The following SLC25A16 variants were observed in gnomAD, a reference collection of about 807,000 sequenced individuals.
SLC25A16 encodes the protein mitochondrial coenzyme A transporter SLC25A16.
A neutral mutation model predicts 41.5 loss-of-function variants in SLC25A16; 39 were observed. The observed-to-expected ratio is 0.94, with a 90% CI of 0.73 to 1.23. SLC25A16 has a LOEUF of 1.23. SLC25A16 is among the 50% of genes most tolerant of loss of function. The pLI, the probability that SLC25A16 is intolerant of heterozygous loss-of-function variation, is 0.00. For synonymous variants in SLC25A16, 146 were observed against 147.8 expected (o/e 0.99, Z 0.09); for missense variants, 421 against 426.9 (o/e 0.99, Z 0.12).
Position 68,527,379 on chromosome 10 carries a change from G to A in SLC25A16, c.-4C>T, listed in dbSNP as rs2053356135. 1.3e-6 allele frequency: 2 copies of A among 1,485,882 alleles called. No individual in the cohort carries two copies. Among genetic ancestry groups the A allele is most frequent in the Non-Finnish European group, 1.8e-6 (2 of 1,125,312 alleles). The allele number at this position is 1,485,882 out of a possible 1,614,324, so 92.0% of individuals were successfully genotyped here. A position where few individuals can be genotyped will look rare whatever the true frequency, so the allele number is the denominator to read the frequency against. ...CCGCGGCCGTCGCCGCCGCCATCAG[G>A]ACCAGGGTCGCGTCAGGAGCCTAGG... On this transcript the variant is annotated 5_prime_UTR_variant, in exon 1 of 9. Coordinates refer to ENST00000609923, the MANE Select transcript of SLC25A16 (RefSeq NM_152707.4).
intron 1 of SLC25A16, among the ~76,000 whole-genome samples, chr10:68,526,271 G>A (rs958585489): frequency 8.5e-5 from 13 of 152,050 alleles, no homozygotes; most frequent in African/African-American, 2.7e-4. Flanking sequence ...TGGGACCTGC[G>A]GGCAGCAATA....
chr10:68,519,258 G>C (rs1420867295), intron 1 of SLC25A16, among the ~76,000 whole-genome samples: 1 of 152,080 alleles, frequency 6.6e-6, no homozygotes, highest in African/African-American at 2.4e-5. Flanking sequence ...GGAGGCCGAG[G>C]TGGGTGGATC....
At chr10:68,525,750 C>T (rs961610614) in intron 1 of SLC25A16, among the ~76,000 whole-genome samples, 5 of 152,156 alleles carry the variant, frequency 3.3e-5, no homozygotes, top group Non-Finnish European at 5.9e-5. Context: ...CCATTTTGTT[C>T]TGTACTAAGA....
chr10:68,512,964 G>C (rs2133576313), intron 2 of SLC25A16, among the ~76,000 whole-genome samples: 1 of 152,184 alleles, frequency 6.6e-6, no homozygotes, highest in Admixed American at 6.6e-5. Flanking sequence ...GCTTGAACCT[G>C]GGAGGCGGAG....
At chr10:68,514,702 G>A (rs1050076994) in intron 2 of SLC25A16, among the ~76,000 whole-genome samples, 5 of 151,956 alleles carry the variant, frequency 3.3e-5, no homozygotes, top group African/African-American at 1.2e-4. Flanking sequence ...AAGTGTCCAT[G>A]TTAATCAAAT....
At position 68,479,858 on chromosome 10, in the gene SLC25A16, A is replaced by G. The variant is rs2052466077; in HGVS notation, c.*3574T>C. 1.3e-5 allele frequency: 2 copies of G among 152,086 alleles called. No homozygotes were observed. The highest frequency in any genetic ancestry group is 4.8e-5 in the African/African-American group (2 of 41,322). The allele number at this position is 152,086 out of a possible 1,614,324, so 9.4% of individuals were successfully genotyped here. A position where few individuals can be genotyped will look rare whatever the true frequency, so the allele number is the denominator to read the frequency against. On this transcript the variant is annotated 3_prime_UTR_variant, in exon 9 of 9. Coordinates refer to ENST00000609923, the MANE Select transcript of SLC25A16 (RefSeq NM_152707.4). ...AAAGAAAGAAAAGAAAGAAAAATAC[A>G]AAACTCAGCTGGGCATGGTAGCACA...
rs1254468730 is a variant in SLC25A16 at position 68,482,824 on chromosome 10, C to A, written c.*608G>T. The A allele has an allele frequency of 1.3e-5, 2 of 152,116 alleles. No homozygotes were observed. Among genetic ancestry groups the A allele is most frequent in the African/African-American group, 4.8e-5 (2 of 41,426 alleles). The allele number at this position is 152,116 out of a possible 1,614,324, so 9.4% of individuals were successfully genotyped here. A position where few individuals can be genotyped will look rare whatever the true frequency, so the allele number is the denominator to read the frequency against. ...AGTAGCTGGGACCACATGCCCATCC[C>A]ACCATGTCCAGCTTCTTCATTTATT... On this transcript the variant is annotated 3_prime_UTR_variant, in exon 9 of 9. Coordinates refer to ENST00000609923, the MANE Select transcript of SLC25A16 (RefSeq NM_152707.4).
intron 6 of SLC25A16, 94 bp from the exon 7 acceptor site, chr10:68,488,723 T>C: frequency 1.9e-6 from 2 of 1,030,178 alleles, no homozygotes; most frequent in Non-Finnish European, 2.8e-6. Context: ...TTTCCTAATT[T>C]CTGGTGTTTG....
In SLC25A16 at chr10:68,481,458, C is replaced by A. The variant is rs776362085; in HGVS notation, c.*1974G>T. On this transcript the variant is annotated 3_prime_UTR_variant, in exon 9 of 9. Coordinates refer to ENST00000609923, the MANE Select transcript of SLC25A16 (RefSeq NM_152707.4). The stretch of plus-strand genomic sequence containing the variant: ...ATTGAAGCAAAAATAACACTTTCAA[C>A]TTAGTTTTCCTTCTTTTGTTTGAAA... The A allele has an allele frequency of 3.3e-5, 5 of 152,116 alleles. No homozygotes were observed. The highest frequency in any genetic ancestry group is 7.4e-5 in the Non-Finnish European group (5 of 68,020). The allele number at this position is 152,116 out of a possible 1,614,324, so 9.4% of individuals were successfully genotyped here.
At chr10:68,485,481 T>C (rs985677214) in intron 8 of SLC25A16, among the ~76,000 whole-genome samples, 7 of 151,896 alleles carry the variant, frequency 4.6e-5, no homozygotes, top group Non-Finnish European at 8.8e-5. Flanking sequence ...GCCTCCCAGG[T>C]TCAAGCAATT....
At chr10:68,514,049 C>T (rs765477336) in intron 2 of SLC25A16, among the ~76,000 whole-genome samples, 1 of 151,762 alleles carries the variant, frequency 6.6e-6, no homozygotes, top group Admixed American at 6.6e-5. Flanking sequence ...AAAAATTAGC[C>T]GGTCATGGTG....
intron 2 of SLC25A16, among the ~76,000 whole-genome samples, chr10:68,515,123 G>T (rs1242923102): frequency 6.7e-6 from 1 of 150,270 alleles, no homozygotes; most frequent in African/African-American, 2.4e-5. Flanking sequence ...TTGGGAGGCC[G>T]AGGCAGGCAG....
chr10:68,523,006 T>A (rs2133603904), intron 1 of SLC25A16, among the ~76,000 whole-genome samples: 1 of 152,060 alleles, frequency 6.6e-6, no homozygotes, highest in African/African-American at 2.4e-5. Context: ...AGTGGAAATA[T>A]TTTGGAACTA....
In SLC25A16 at chr10:68,517,237, G is replaced by C. The variant is rs150429469; in HGVS notation, c.131-394C>G. The C allele has an allele frequency of 8.0e-4, 795 of 989,070 alleles. 6 individuals carry two copies. In the African/African-American group the frequency reaches 0.013, roughly 16 times the overall value. The allele number at this position is 989,070 out of a possible 1,614,324, so 61.3% of individuals were successfully genotyped here. A position where few individuals can be genotyped will look rare whatever the true frequency, so the allele number is the denominator to read the frequency against. ...CTTGAAGGTATTTATCCGATTGCCAGGTTCTGTTTGAAGTAAACTCCTCTT... is the reference window on the plus strand; with the variant it reads ...CTTGAAGGTATTTATCCGATTGCCACGTTCTGTTTGAAGTAAACTCCTCTT... On this transcript the variant is annotated intron_variant, in intron 1 of 8. Transcript: ENST00000609923.
chr10:68,514,475 A>C (rs541122474), intron 2 of SLC25A16, among the ~76,000 whole-genome samples: 41 of 152,286 alleles, frequency 2.7e-4, no homozygotes, highest in Non-Finnish European at 4.6e-4. Context: ...CAGCCTGGGC[A>C]ACACAGTGAA....
rs553038027 is a variant in SLC25A16 at position 68,480,262 on chromosome 10, A to T, written c.*3170T>A. ...TAACCTGGCAAGATGCACTTTGGGC[A>T]ATCTGAAATAAATCAGATATAAACA... On this transcript the variant is annotated 3_prime_UTR_variant, in exon 9 of 9. Transcript: ENST00000609923. The T allele has an allele frequency of 6.6e-6, 1 of 152,324 alleles. No homozygotes were observed. Among genetic ancestry groups the T allele is most frequent in the Admixed American group, 6.5e-5 (1 of 15,284 alleles). The allele number at this position is 152,324 out of a possible 1,614,324, so 9.4% of individuals were successfully genotyped here.
chr10:68,509,750 T>G (rs545790194), intron 2 of SLC25A16, among the ~76,000 whole-genome samples: 9 of 134,358 alleles, frequency 6.7e-5, no homozygotes, highest in Admixed American at 2.3e-4. Context: ...TATCTATATA[T>G]ATAGATATAT....
At chr10:68,486,956 CAAAAAAAAA>C (rs374368406) in intron 8 of SLC25A16, 179 bp downstream of exon 8, 1,603 of 103,114 alleles carry the variant, frequency 0.016, 38 homozygotes, top group African/African-American at 0.11. Flanking sequence ...GACTGCATCT[CAAAAAAAAA>C]AAAAAAAAAA....
At chr10:68,519,005 C>G (rs190976671) in intron 1 of SLC25A16, among the ~76,000 whole-genome samples, 139 of 149,700 alleles carry the variant, frequency 9.3e-4, no homozygotes, top group African/African-American at 3.4e-3. Context: ...CCAGCCCGAC[C>G]AACATGGAGA....
Sources: gnomAD v4.1 joint callset for allele counts (sites outside exome capture counted in the v4.1 genomes callset) on GRCh38, gnomAD v4.1.1 for gene constraint, MANE v1.5 for transcripts, NCBI Gene and HGNC (gene_info 2026-07-23, HGNC 2026-07-21) for gene names.